DAB1: variants seen among roughly 807,000 people sequenced by gnomAD.
The protein encoded by DAB1 is DAB adaptor protein 1, also known as disabled homolog 1.
DAB1 carries 15 observed loss-of-function variants against 64.6 expected under a neutral mutation model. The ratio of observed to expected loss-of-function variants is 0.23; its 90% confidence interval spans 0.16 to 0.36. The LOEUF is 0.36. Among genes scored for constraint, DAB1 ranks in the 10% least tolerant of loss-of-function variants. The probability of loss-of-function intolerance (pLI) is 1.00; values close to 1 mark genes in which losing one functional copy is unlikely to be tolerated. For missense variants in DAB1, 596 were observed against 706.7 expected, an observed-to-expected ratio of 0.84 and a Z score of 1.78; for synonymous variants, 235 against 251.9, an observed-to-expected ratio of 0.93 and a Z score of 0.64.
At chr1:58,370,188 T>C (rs1316772844) in intron 3 of DAB1, among the ~76,000 whole-genome samples, 1 of 152,180 alleles carries the variant, frequency 6.6e-6, no homozygotes, top group Admixed American at 6.5e-5. Flanking sequence ...TAAAATTTGG[T>C]GTATTCTTGT....
intron 5 of DAB1, among the ~76,000 whole-genome samples, chr1:57,892,545 C>T (rs1282059307): frequency 3.3e-5 from 5 of 152,206 alleles, no homozygotes; most frequent in Admixed American, 2.6e-4. Context: ...TCCAGGTTCA[C>T]TCAGCTGGTA....
At chr1:57,042,287 G>A (rs148106435) in intron 9 of DAB1, among the ~76,000 whole-genome samples, 49 of 152,302 alleles carry the variant, frequency 3.2e-4, no homozygotes, top group African/African-American at 1.2e-3. Context: ...AAAATAGTTT[G>A]TGTGTGTCTT....
chr1:57,295,421 A>T (rs1303405200), intron 1 of DAB1, among the ~76,000 whole-genome samples: 2 of 152,188 alleles, frequency 1.3e-5, no homozygotes, highest in Non-Finnish European at 2.9e-5. Flanking sequence ...CACAATTGGC[A>T]TGTTTTATGA....
intron 4 of DAB1, among the ~76,000 whole-genome samples, chr1:58,279,951 T>C (rs1661520078): frequency 6.6e-6 from 1 of 152,142 alleles, no homozygotes; most frequent in Non-Finnish European, 1.5e-5. Flanking sequence ...GACTCTGTCA[T>C]GCATTTATAT....
chr1:58,538,864 G>A (rs1301663076), intron 1 of DAB1: 2 of 872,588 alleles, frequency 2.3e-6, no homozygotes, highest in Non-Finnish European at 4.0e-6. Flanking sequence ...AACCGGAGCA[G>A]CTTGAAACCG....
intron 7 of DAB1, among the ~76,000 whole-genome samples, chr1:57,639,626 A>C (rs930790715): frequency 6.6e-6 from 1 of 152,306 alleles, no homozygotes; most frequent in African/African-American, 2.4e-5. Flanking sequence ...GAACTAAGGC[A>C]AAGGCAGCAG....
At chr1:57,389,514 T>C (rs1682164679) in intron 1 of DAB1, among the ~76,000 whole-genome samples, 1 of 152,192 alleles carries the variant, frequency 6.6e-6, no homozygotes, top group South Asian at 2.1e-4. Flanking sequence ...TGGCCCTGCC[T>C]CAAATATGAT....
chr1:58,517,503 TAA>T (rs1439672347), intron 2 of DAB1, among the ~76,000 whole-genome samples: 2 of 152,258 alleles, frequency 1.3e-5, no homozygotes, highest in African/African-American at 4.8e-5. Context: ...ATCCCAAGAC[TAA>T]GTTTTCCTAT....
At chr1:57,889,039 A>G (rs1051512181), upstream of DAB1, among the ~76,000 whole-genome samples, 1 of 152,184 alleles carries the variant, frequency 6.6e-6, no homozygotes. Flanking sequence ...AACGTCTGTC[A>G]TGGAATCCTG....
At chr1:57,258,555 G>A (rs1235360493) in intron 2 of DAB1, among the ~76,000 whole-genome samples, 4 of 152,002 alleles carry the variant, frequency 2.6e-5, no homozygotes, top group South Asian at 2.1e-4. Flanking sequence ...TCATGATTTC[G>A]ATGAGCTTTT....
At chr1:58,283,792 C>G (rs1211588505) in intron 4 of DAB1, among the ~76,000 whole-genome samples, 2 of 152,216 alleles carry the variant, frequency 1.3e-5, no homozygotes, top group African/African-American at 4.8e-5. Flanking sequence ...TCTTCCAGCT[C>G]ATTTTGGAGC....
intron 5 of DAB1, among the ~76,000 whole-genome samples, chr1:57,954,557 C>A (rs886829612): frequency 5.9e-5 from 9 of 152,174 alleles, no homozygotes; most frequent in African/African-American, 2.2e-4. Context: ...ACACATAGAG[C>A]AAGGTTGATT....
intron 2 of DAB1, chr1:58,527,176 T>G (rs1219767552): frequency 1.3e-6 from 1 of 792,514 alleles, no homozygotes; most frequent in Non-Finnish European, 2.3e-6. Flanking sequence ...CATTCTCTGC[T>G]TATGCCAAGC....
chr1:57,178,736 C>T (rs537042336), intron 2 of DAB1, among the ~76,000 whole-genome samples: 5 of 151,730 alleles, frequency 3.3e-5, no homozygotes, highest in Admixed American at 6.6e-5. Flanking sequence ...ATAATTACTC[C>T]GAGGTTAACC....
chr1:57,715,792 A>T (rs1174437875), intron 6 of DAB1, among the ~76,000 whole-genome samples: 2 of 152,240 alleles, frequency 1.3e-5, no homozygotes, highest in Non-Finnish European at 2.9e-5. Context: ...AGTAGACACA[A>T]ATAAATCGAA....
intron 2 of DAB1, among the ~76,000 whole-genome samples, chr1:57,182,074 A>C (rs1411493308): frequency 2.6e-5 from 4 of 151,974 alleles, no homozygotes; most frequent in African/African-American, 9.7e-5. Flanking sequence ...TTTAATAGAG[A>C]CGGGGTTTCA....
chr1:57,747,547 C>T (rs550958605), intron 6 of DAB1, among the ~76,000 whole-genome samples: 4 of 152,108 alleles, frequency 2.6e-5, no homozygotes, highest in South Asian at 2.1e-4. Context: ...CGGTGGCTCA[C>T]GCCTGTAATC....
At position 57,034,082 on chromosome 1, in the gene DAB1, C is replaced by A. The variant is rs552134324; in HGVS notation, c.724-8039G>T. On this transcript the variant is annotated intron_variant, in intron 9 of 14. Coordinates refer to ENST00000371236, the MANE Select transcript of DAB1 (RefSeq NM_001365792.1). ...GATCACGAGGTCAGGAGATCGAGAC[C>A]AGCCTGGCCAACATAGTGAAACCCC... Among the ~76,000 whole-genome samples the A allele has an allele frequency of 2.0e-5, 3 of 152,204 alleles. No individual in the cohort carries two copies. In the East Asian group the frequency reaches 5.8e-4, roughly 29 times the overall value.
chr1:57,229,966 T>C (rs2100424699), intron 2 of DAB1, among the ~76,000 whole-genome samples: 1 of 152,318 alleles, frequency 6.6e-6, no homozygotes, highest in Admixed American at 6.5e-5. Flanking sequence ...TGAAGAGTAA[T>C]GGAGTTCTCA....
Sources: allele counts gnomAD v4.1 joint callset (sites outside exome capture counted in the v4.1 genomes callset), GRCh38; gene constraint gnomAD v4.1.1; transcripts MANE v1.5; gene names NCBI Gene and HGNC (gene_info 2026-07-23, HGNC 2026-07-21).